Variants in GSK3B observed in about 807,000 individuals in gnomAD.
GSK3B encodes glycogen synthase kinase-3 beta.
GSK3B carries 15 observed loss-of-function variants against 56.4 expected under a neutral mutation model. The observed-to-expected ratio is 0.27, with a 90% confidence interval of 0.18 to 0.41. GSK3B has a LOEUF of 0.41. GSK3B is among the 10% of genes least tolerant of loss of function. The pLI, the probability that GSK3B is intolerant of heterozygous loss-of-function variation, is 1.00. For synonymous variants in GSK3B, 181 were observed against 188.9 expected (o/e 0.96, Z 0.34); for missense variants, 300 against 513.4 (o/e 0.58, Z 4.02).
At chr3:120,000,729 G>A (rs2057667438) in intron 2 of GSK3B, among the ~76,000 whole-genome samples, 1 of 150,318 alleles carries the variant, frequency 6.7e-6, no homozygotes, top group East Asian at 2.0e-4. Context: ...CTCCCCTAAT[G>A]AGGTACAGAA....
At chr3:119,848,983 T>G (rs2055892603) in intron 9 of GSK3B, among the ~76,000 whole-genome samples, 2 of 152,168 alleles carry the variant, frequency 1.3e-5, no homozygotes, top group Admixed American at 1.3e-4. Flanking sequence ...GGGTTCTCAC[T>G]AAGGAACAGA....
intron 2 of GSK3B, among the ~76,000 whole-genome samples, chr3:119,960,833 T>C (rs888268008): frequency 6.6e-6 from 1 of 152,078 alleles, no homozygotes; most frequent in Admixed American, 6.5e-5. Context: ...CTCCCCACTA[T>C]AATATAAGCT....
intron 1 of GSK3B, among the ~76,000 whole-genome samples, chr3:120,043,451 C>T (rs1318970271): frequency 2.6e-5 from 4 of 152,156 alleles, no homozygotes; most frequent in African/African-American, 7.2e-5. Flanking sequence ...TCTTGTTACA[C>T]CTTGTGAGGA....
intron 5 of GSK3B, among the ~76,000 whole-genome samples, chr3:119,915,155 C>T (rs751432799): frequency 6.6e-6 from 1 of 151,980 alleles, no homozygotes; most frequent in Non-Finnish European, 1.5e-5. Flanking sequence ...ATTACAAATT[C>T]ACAGTATATT....
At chr3:119,872,470 G>A (rs2056261056) in intron 8 of GSK3B, among the ~76,000 whole-genome samples, 1 of 152,110 alleles carries the variant, frequency 6.6e-6, no homozygotes, top group Non-Finnish European at 1.5e-5. Flanking sequence ...AGGCTATGAG[G>A]AATCAGAGAA....
intron 4 of GSK3B, among the ~76,000 whole-genome samples, chr3:119,916,447 T>C (rs542240167): frequency 6.6e-6 from 1 of 152,334 alleles, no homozygotes; most frequent in Non-Finnish European, 1.5e-5. Context: ...TTTATAACTT[T>C]TAATTTTACT....
chr3:120,035,295 A>G (rs1269491508), intron 1 of GSK3B, among the ~76,000 whole-genome samples: 2 of 152,186 alleles, frequency 1.3e-5, no homozygotes, highest in Non-Finnish European at 2.9e-5. Context: ...CACTAGAAGC[A>G]GCAAGCGGGG....
chr3:119,841,730 GA>G (rs2055774861), intron 10 of GSK3B, among the ~76,000 whole-genome samples: 1 of 152,110 alleles, frequency 6.6e-6, no homozygotes, highest in African/African-American at 2.4e-5. Flanking sequence ...AAATGAATAA[GA>G]CACTAATTAA....
intron 9 of GSK3B, among the ~76,000 whole-genome samples, chr3:119,844,023 T>C (rs1318526558): frequency 6.6e-6 from 1 of 152,102 alleles, no homozygotes; most frequent in Non-Finnish European, 1.5e-5. Flanking sequence ...AGAAACTCAC[T>C]CAAAACCGCA....
intron 7 of GSK3B, among the ~76,000 whole-genome samples, chr3:119,902,049 G>A (rs1452127675): frequency 6.6e-6 from 1 of 152,094 alleles, no homozygotes; most frequent in Non-Finnish European, 1.5e-5. Context: ...CACTAAGGGT[G>A]CATGACTATT....
intron 2 of GSK3B, among the ~76,000 whole-genome samples, chr3:119,977,027 A>G (rs573658632): frequency 3.3e-5 from 5 of 152,304 alleles, no homozygotes; most frequent in African/African-American, 9.6e-5. Flanking sequence ...AAGTCCACAA[A>G]TATCAAATAT....
intron 2 of GSK3B, among the ~76,000 whole-genome samples, chr3:119,988,333 T>C (rs954601083): frequency 6.6e-6 from 1 of 152,242 alleles, no homozygotes; most frequent in African/African-American, 2.4e-5. Flanking sequence ...TTTACTATAC[T>C]ACCATGAACA....
intron 6 of GSK3B, among the ~76,000 whole-genome samples, chr3:119,907,150 G>A (rs2056690627): frequency 6.6e-6 from 1 of 151,976 alleles, no homozygotes; most frequent in Admixed American, 6.6e-5. Flanking sequence ...TTATGTAAAT[G>A]CTTATTTTAA....
At chr3:120,034,922 C>T (rs577870438) in intron 1 of GSK3B, among the ~76,000 whole-genome samples, 2 of 152,104 alleles carry the variant, frequency 1.3e-5, no homozygotes, top group East Asian at 3.9e-4. Flanking sequence ...CAAAACCTCA[C>T]CTCTACTAAA....
chr3:120,023,327 A>C (rs544959390), intron 1 of GSK3B, among the ~76,000 whole-genome samples: 20 of 151,338 alleles, frequency 1.3e-4, no homozygotes, highest in Non-Finnish European at 2.2e-4. Context: ...GTTATGTCCA[A>C]CACTGCCCCT....
chr3:120,076,707 G>A (rs1029953195), intron 1 of GSK3B, among the ~76,000 whole-genome samples: 3 of 150,896 alleles, frequency 2.0e-5, no homozygotes, highest in Non-Finnish European at 3.0e-5. Context: ...CCAGCTACAC[G>A]GGAGGCTGAG....
At chr3:120,089,358 T>G (rs1217232459) in intron 1 of GSK3B, among the ~76,000 whole-genome samples, 2 of 152,122 alleles carry the variant, frequency 1.3e-5, no homozygotes, top group Non-Finnish European at 2.9e-5. Flanking sequence ...TGACTGAAAA[T>G]AAAGTTCTGG....
intron 2 of GSK3B, among the ~76,000 whole-genome samples, chr3:119,969,382 T>C (rs1316684037): frequency 1.3e-5 from 2 of 152,144 alleles, no homozygotes; most frequent in Non-Finnish European, 2.9e-5. Flanking sequence ...TTACATCATG[T>C]ACATGGATAA....
intron 5 of GSK3B, 42 bp downstream of exon 5, chr3:119,916,002 G>T: frequency 1.4e-6 from 2 of 1,400,292 alleles, no homozygotes; most frequent in Non-Finnish European, 2.0e-6. Flanking sequence ...GTAGGGGGAG[G>T]AGGGGAAAAG....
Sources: allele counts gnomAD v4.1 joint callset (sites outside exome capture counted in the v4.1 genomes callset), GRCh38; gene constraint gnomAD v4.1.1; transcripts MANE v1.5; gene names NCBI Gene and HGNC (gene_info 2026-07-23, HGNC 2026-07-21).